Variants in ITGBL1 observed in about 807,000 individuals in gnomAD.
ITGBL1 encodes the protein integrin beta-like protein 1.
In ITGBL1, 51 loss-of-function variants were observed where a neutral mutation model predicts 68.5. The observed-to-expected ratio is 0.74, with a 90% CI of 0.59 to 0.94. The LOEUF (loss-of-function observed/expected upper bound fraction) is 0.94, where lower values mean the gene tolerates loss of function less well. ITGBL1 is among the 40% of genes least tolerant of loss of function. The probability of loss-of-function intolerance (pLI) is 0.00; values close to 1 mark genes in which losing one functional copy is unlikely to be tolerated. For missense variants in ITGBL1, 649 were observed against 647.4 expected (o/e 1.00, Z -0.03); for synonymous variants, 209 against 227.3 (o/e 0.92, Z 0.72).
intron 4 of ITGBL1, among the ~76,000 whole-genome samples, chr13:101,577,450 A>G (rs561935438): frequency 2.6e-5 from 4 of 152,188 alleles, no homozygotes; most frequent in African/African-American, 7.2e-5. Flanking sequence ...TTAATTTTCC[A>G]TACCTGCATA....
chr13:101,489,945 T>G, intron 2 of ITGBL1: 1 of 1,499,980 alleles, frequency 6.7e-7, no homozygotes, highest in Non-Finnish European at 9.0e-7. Context: ...CAAAATATTT[T>G]TACTTTAAAC....
chr13:101,593,791 C>A (rs1278929942), intron 6 of ITGBL1, among the ~76,000 whole-genome samples: 2 of 151,976 alleles, frequency 1.3e-5, no homozygotes, highest in African/African-American at 2.4e-5. Context: ...AAAGGTTGGT[C>A]TGTGGTCCAA....
intron 2 of ITGBL1, among the ~76,000 whole-genome samples, chr13:101,535,820 T>G (rs2049565011): frequency 6.6e-6 from 1 of 152,140 alleles, no homozygotes; most frequent in Non-Finnish European, 1.5e-5. Context: ...TTCGAATCTC[T>G]TCTTCATAAT....
chr13:101,588,297 T>TTGGTGTGTGTGTGTGTGTGTGTGTGTG (rs1555360537), intron 6 of ITGBL1, among the ~76,000 whole-genome samples: 25 of 149,670 alleles, frequency 1.7e-4, no homozygotes, highest in Admixed American at 5.3e-4. Flanking sequence ...TATTCTTCCA[T>TTGGTGTGTGTGTGTGTGTGTGTGTGTG]TGTGTGTGTG....
At chr13:101,697,826 A>G (rs1206519213) in intron 8 of ITGBL1, among the ~76,000 whole-genome samples, 1 of 152,204 alleles carries the variant, frequency 6.6e-6, no homozygotes, top group Non-Finnish European at 1.5e-5. Context: ...AATAAAAATA[A>G]AAGATTGTAG....
At chr13:101,473,939 C>G (rs1429879715) in intron 2 of ITGBL1, among the ~76,000 whole-genome samples, 1 of 152,154 alleles carries the variant, frequency 6.6e-6, no homozygotes. Flanking sequence ...ATCAGTGGTA[C>G]CCAGGCAGTA....
At chr13:101,639,095 A>G (rs1381328408) in intron 7 of ITGBL1, among the ~76,000 whole-genome samples, 2 of 151,996 alleles carry the variant, frequency 1.3e-5, no homozygotes, top group African/African-American at 2.4e-5. Flanking sequence ...CCTGTCTCCT[A>G]TCTCATCTCT....
chr13:101,632,022 A>C (rs1294198460), intron 7 of ITGBL1, among the ~76,000 whole-genome samples: 7 of 152,132 alleles, frequency 4.6e-5, no homozygotes, highest in Admixed American at 3.9e-4. Flanking sequence ...AAAAAAAAGC[A>C]AAAACTATAA....
intron 9 of ITGBL1, chr13:101,713,646 T>C (rs17686597): frequency 0.15 from 22,624 of 152,222 alleles, 2,076 homozygotes; most frequent in East Asian, 0.43. Context: ...AACTTCTGTC[T>C]TGGATACCAT....
chr13:101,708,026 AACACACACAC>A (rs3062945), intron 9 of ITGBL1, among the ~76,000 whole-genome samples: 124 of 144,440 alleles, frequency 8.6e-4, no homozygotes, highest in East Asian at 1.4e-3. Context: ...CACACATGCA[AACACACACAC>A]ACACACACAC....
At chr13:101,540,472 G>A (rs954823063) in intron 2 of ITGBL1, among the ~76,000 whole-genome samples, 11 of 152,156 alleles carry the variant, frequency 7.2e-5, no homozygotes, top group African/African-American at 2.7e-4. Flanking sequence ...AGTATAGTTT[G>A]AAGTCAGGTA....
chr13:101,657,143 G>A (rs1363718377), intron 7 of ITGBL1, among the ~76,000 whole-genome samples: 1 of 152,070 alleles, frequency 6.6e-6, no homozygotes, highest in Non-Finnish European at 1.5e-5. Context: ...AATGAAGCTT[G>A]TACAGTGTGC....
intron 7 of ITGBL1, among the ~76,000 whole-genome samples, chr13:101,682,533 T>A (rs190222326): frequency 2.0e-5 from 3 of 152,206 alleles, no homozygotes; most frequent in Non-Finnish European, 2.9e-5. Flanking sequence ...TGTAATTATT[T>A]CAAGTTTGCA....
chr13:101,675,287 T>A (rs1566786271), intron 7 of ITGBL1, among the ~76,000 whole-genome samples: 1 of 152,208 alleles, frequency 6.6e-6, no homozygotes. Context: ...TCTTTTTATT[T>A]ATTCTCTTTA....
chr13:101,621,218 T>C (rs2031568962), intron 7 of ITGBL1, among the ~76,000 whole-genome samples: 1 of 152,168 alleles, frequency 6.6e-6, no homozygotes, highest in East Asian at 1.9e-4. Flanking sequence ...TGTACAAGTG[T>C]ATGTCTCCAT....
chr13:101,676,487 C>T (rs1442080643), intron 7 of ITGBL1, among the ~76,000 whole-genome samples: 14 of 152,046 alleles, frequency 9.2e-5, no homozygotes. Flanking sequence ...ATCAAAAAGC[C>T]AAAAGTTCTG....
chr13:101,575,238 T>C (rs752805010), intron 3 of ITGBL1, among the ~76,000 whole-genome samples, 186 bp from the exon 4 acceptor site: 1 of 152,136 alleles, frequency 6.6e-6, no homozygotes, highest in Non-Finnish European at 1.5e-5. Context: ...AAAATATAAT[T>C]GCCATGCTAA....
At chr13:101,456,080 A>C (rs190210931) in intron 2 of ITGBL1, among the ~76,000 whole-genome samples, 56 of 152,242 alleles carry the variant, frequency 3.7e-4, no homozygotes, top group African/African-American at 1.3e-3. Flanking sequence ...TATGTTGTTT[A>C]CTCATAGCAT....
intron 2 of ITGBL1, among the ~76,000 whole-genome samples, chr13:101,551,961 G>T (rs2139214154): frequency 6.6e-6 from 1 of 152,188 alleles, no homozygotes; most frequent in East Asian, 1.9e-4. Flanking sequence ...TGATGGGGGT[G>T]GTGAGTTTTG....
Sources: allele counts gnomAD v4.1 joint callset (sites outside exome capture counted in the v4.1 genomes callset), GRCh38; gene constraint gnomAD v4.1.1; transcripts MANE v1.5; gene names NCBI Gene and HGNC (gene_info 2026-07-23, HGNC 2026-07-21).